The following DLG2 variants were observed in gnomAD, a reference collection of about 807,000 sequenced individuals.
DLG2 encodes the protein disks large homolog 2.
A neutral mutation model predicts 132.5 loss-of-function variants in DLG2; 45 were observed. The observed-to-expected ratio is 0.34, with a 90% CI of 0.27 to 0.44. The LOEUF (loss-of-function observed/expected upper bound fraction) is 0.44, where lower values mean the gene tolerates loss of function less well. Ranked by LOEUF, DLG2 falls within the 20% of genes least tolerant of loss-of-function variation. The pLI, the probability that DLG2 is intolerant of heterozygous loss-of-function variation, is 1.00. For missense variants in DLG2, 1,045 were observed against 1,196.9 expected (o/e 0.87, Z 1.87); for synonymous variants, 424 against 419.6 (o/e 1.01, Z -0.13).
intron 21 of DLG2, among the ~76,000 whole-genome samples, chr11:83,484,442 A>AAAAG (rs1491443635): frequency 7.2e-5 from 11 of 152,272 alleles, no homozygotes; most frequent in African/African-American, 2.6e-4. Context: ...TCTCCTAAGC[A>AAAAG]AAAGACTGGT....
intron 3 of DLG2, among the ~76,000 whole-genome samples, chr11:85,319,401 C>A (rs549142613): frequency 1.3e-5 from 2 of 151,822 alleles, no homozygotes; most frequent in African/African-American, 4.8e-5. Flanking sequence ...TTAATAGATG[C>A]CACTTTCCTT....
At chr11:83,798,671 G>A (rs903915974) in intron 17 of DLG2, among the ~76,000 whole-genome samples, 2 of 152,140 alleles carry the variant, frequency 1.3e-5, no homozygotes. Context: ...ACAGTTGGGG[G>A]TCTGGGTGCA....
chr11:84,959,275 T>C (rs779247087), intron 6 of DLG2, among the ~76,000 whole-genome samples: 59 of 152,324 alleles, frequency 3.9e-4, no homozygotes, highest in African/African-American at 1.2e-3. Context: ...AAAAATGCTA[T>C]ATAACATTAA....
At chr11:84,655,699 T>C (rs2154547270) in intron 6 of DLG2, among the ~76,000 whole-genome samples, 1 of 151,816 alleles carries the variant, frequency 6.6e-6, no homozygotes, top group East Asian at 1.9e-4. Flanking sequence ...TCCTCATCTG[T>C]AAAATGATGA....
At chr11:84,662,701 C>T (rs1444795373) in intron 6 of DLG2, among the ~76,000 whole-genome samples, 4 of 148,674 alleles carry the variant, frequency 2.7e-5, no homozygotes, top group African/African-American at 9.9e-5. Flanking sequence ...ACAGGAGAAT[C>T]GCTTGAACCT....
chr11:83,534,050 G>A (rs2095824300), intron 20 of DLG2, among the ~76,000 whole-genome samples: 1 of 152,024 alleles, frequency 6.6e-6, no homozygotes, highest in Non-Finnish European at 1.5e-5. Flanking sequence ...AAAATTGGGT[G>A]GACTCCCGCC....
intron 3 of DLG2, among the ~76,000 whole-genome samples, chr11:85,463,374 T>C (rs770765014): frequency 6.6e-6 from 1 of 152,178 alleles, no homozygotes; most frequent in Non-Finnish European, 1.5e-5. Flanking sequence ...GCAGAAAATG[T>C]CTATGAAAAC....
chr11:84,268,292 T>G (rs762821489), intron 7 of DLG2, among the ~76,000 whole-genome samples: 1 of 152,158 alleles, frequency 6.6e-6, no homozygotes, highest in Non-Finnish European at 1.5e-5. Context: ...TGTACATCTT[T>G]TAATTGCTGC....
At chr11:84,709,885 C>T (rs2060185663) in intron 6 of DLG2, among the ~76,000 whole-genome samples, 1 of 151,844 alleles carries the variant, frequency 6.6e-6, no homozygotes, top group Non-Finnish European at 1.5e-5. Flanking sequence ...CAGTACAAGG[C>T]TTTAAAAAAC....
At chr11:84,294,915 A>C (rs1489536747) in intron 7 of DLG2, among the ~76,000 whole-genome samples, 1 of 152,214 alleles carries the variant, frequency 6.6e-6, no homozygotes, top group Non-Finnish European at 1.5e-5. Context: ...GAAGTCTCAA[A>C]AGGTAAAAGA....
At chr11:84,750,343 A>C (rs2065948460) in intron 6 of DLG2, among the ~76,000 whole-genome samples, 1 of 152,154 alleles carries the variant, frequency 6.6e-6, no homozygotes, top group African/African-American at 2.4e-5. Context: ...TTATTTAATC[A>C]AACTGATTTC....
chr11:85,511,463 C>T (rs1365320671), intron 3 of DLG2, among the ~76,000 whole-genome samples: 2 of 151,974 alleles, frequency 1.3e-5, no homozygotes. Context: ...AATTCAATGG[C>T]ATCTCTCTTA....
intron 19 of DLG2, among the ~76,000 whole-genome samples, chr11:83,627,829 A>G (rs1276156882): frequency 6.6e-6 from 1 of 152,192 alleles, no homozygotes; most frequent in Non-Finnish European, 1.5e-5. Context: ...CACTCCCACC[A>G]ACAGTGTAAA....
intron 11 of DLG2, among the ~76,000 whole-genome samples, chr11:83,981,891 C>T (rs2092812273): frequency 6.6e-6 from 1 of 152,096 alleles, no homozygotes; most frequent in Non-Finnish European, 1.5e-5. Flanking sequence ...GAAGCAATAA[C>T]AAGAATAGAG....
chr11:84,298,637 T>C (rs1410265099), intron 7 of DLG2, among the ~76,000 whole-genome samples: 1 of 152,216 alleles, frequency 6.6e-6, no homozygotes, highest in Non-Finnish European at 1.5e-5. Context: ...GTAACTACAA[T>C]GCTAAGTGTA....
intron 6 of DLG2, among the ~76,000 whole-genome samples, chr11:84,689,771 T>C (rs1383169088): frequency 6.6e-6 from 1 of 151,562 alleles, no homozygotes; most frequent in South Asian, 2.1e-4. Context: ...CAATAGGAAA[T>C]AGCAGAAATA....
At chr11:84,693,778 G>C (rs1246214430) in intron 6 of DLG2, among the ~76,000 whole-genome samples, 1 of 151,504 alleles carries the variant, frequency 6.6e-6, no homozygotes, top group Non-Finnish European at 1.5e-5. Flanking sequence ...TTTTCAATGA[G>C]TCACACAGCT....
intron 11 of DLG2, among the ~76,000 whole-genome samples, chr11:84,037,062 T>G (rs780961126): frequency 1.3e-5 from 2 of 152,136 alleles, no homozygotes; most frequent in Non-Finnish European, 2.9e-5. Flanking sequence ...ATATGACAGA[T>G]AAGCAAGTGA....
chr11:84,309,906 C>G (rs976954921), intron 7 of DLG2, among the ~76,000 whole-genome samples: 3 of 152,256 alleles, frequency 2.0e-5, no homozygotes, highest in African/African-American at 7.2e-5. Context: ...ATGTTGCAAA[C>G]TTGAATTCAA....
Sources: gnomAD v4.1 joint callset for allele counts (sites outside exome capture counted in the v4.1 genomes callset) on GRCh38, gnomAD v4.1.1 for gene constraint, MANE v1.5 for transcripts, NCBI Gene and HGNC (gene_info 2026-07-23, HGNC 2026-07-21) for gene names.